Variants in CENPE observed in about 807,000 individuals in gnomAD.
CENPE encodes the protein centromere protein E.
Under a neutral mutation model 336.1 loss-of-function variants are expected in CENPE, and 145 were observed. The ratio of observed to expected loss-of-function variants is 0.43; its 90% CI spans 0.38 to 0.50. The LOEUF is 0.50. Among genes scored for constraint, CENPE ranks in the 20% least tolerant of loss-of-function variants. The probability of loss-of-function intolerance (pLI) is 0.00; values close to 1 mark genes in which losing one functional copy is unlikely to be tolerated. For missense variants in CENPE, 2,719 were observed against 3,023.3 expected (o/e 0.90, Z 2.36); for synonymous variants, 1,013 against 984.8 (o/e 1.03, Z -0.54).
chr4:103,136,249 A>G lies in CENPE; in HGVS notation c.6414T>C (p.Val2138=). ...AATAGGGAAGTGAGAGGTTTGCTTT[A>G]ACTCTCATTGAAAGCTCTTTTTGGA... ...IEFQKELSMR[V]KANLSLPYLQ... Residue 2138 remains valine (V), a synonymous_variant, in exon 40 of 49, where the codon GTT becomes GTC. Coordinates refer to ENST00000265148, the MANE Select transcript of CENPE (RefSeq NM_001813.3). 1 of 1,613,770 alleles carries G rather than the reference A, an allele frequency of 6.2e-7. No individual in the cohort carries two copies. The highest frequency in any genetic ancestry group is 8.5e-7 in the Non-Finnish European group (1 of 1,179,784).
intron 46 of CENPE, 72 bp downstream of exon 46, chr4:103,114,382 AT>A (rs1749890447): frequency 1.1e-6 from 1 of 883,028 alleles, no homozygotes. Flanking sequence ...ATACTACATA[AT>A]ATTAGTCTTC....
chr4:103,191,741 A>C (rs182952270), intron 8 of CENPE, among the ~76,000 whole-genome samples: 23 of 152,248 alleles, frequency 1.5e-4, no homozygotes, highest in Non-Finnish European at 2.8e-4. Context: ...ACATGTATAC[A>C]TATGTAACAA....
intron 47 of CENPE, among the ~76,000 whole-genome samples, chr4:103,110,016 G>A (rs548153579): frequency 2.6e-4 from 39 of 152,204 alleles, no homozygotes; most frequent in African/African-American, 9.4e-4. Context: ...CAAAGCCCGT[G>A]AACATGTTCC....
rs115942458 is a variant in CENPE, at chr4:103,145,210, C to A, written c.4697G>T (p.Ser1566Ile). 2 of 1,613,678 alleles carry A rather than the reference C, an allele frequency of 1.2e-6. No homozygotes were observed. The highest frequency in any genetic ancestry group is 4.5e-5 in the East Asian group (2 of 44,828). ...CAACTCGAGCATCTTACTTTCTATA[C>A]TTTGTAGTGCTGAATCCTTGGCTTT... The part of the protein sequence containing the change: ...HRKAKDSALQ[S>I]IESKMLELTN... Residue 1566 changes from serine (S) to isoleucine (I), a missense_variant, in exon 32 of 49, where the codon AGT (serine) becomes ATT (isoleucine). This residue lies in a region of CENPE where 2,437 missense variants were observed against 2,513.3 expected (regional missense o/e 0.97). Coordinates refer to ENST00000265148, the MANE Select transcript of CENPE (RefSeq NM_001813.3).
chr4:103,141,750 C>G lies in CENPE; in HGVS notation c.5463G>C (p.Lys1821Asn). Residue 1821 changes from lysine (K) to asparagine (N), a missense_variant and splice_region_variant, in exon 35 of 49, where the codon AAG becomes AAC. Transcript: ENST00000265148. ...LENSNAKLQE[K>N]IQELKANEHQ... Reference sequence around the variant, plus strand: ...TCAAACAATCCCCCCATAAAAATACCTTTTCTTGTAATTTAGCATTTGAAT... The same window carrying G: ...TCAAACAATCCCCCCATAAAAATACGTTTTCTTGTAATTTAGCATTTGAAT... The G allele has an allele frequency of 6.6e-7, 1 of 1,510,050 alleles. No individual in the cohort carries two copies. Among genetic ancestry groups the G allele is most frequent in the Non-Finnish European group, 9.1e-7 (1 of 1,104,126 alleles). 93.5% of individuals were successfully genotyped at this position (1,510,050 alleles called of 1,614,324 possible). A position where few individuals can be genotyped will look rare whatever the true frequency, so the allele number is the denominator to read the frequency against.
At chr4:103,127,766 C>T (rs1187388109) in intron 42 of CENPE, among the ~76,000 whole-genome samples, 2 of 151,796 alleles carry the variant, frequency 1.3e-5, no homozygotes, top group Non-Finnish European at 2.9e-5. Flanking sequence ...ACCACTAAAA[C>T]AAGATAGAAG....
intron 8 of CENPE, among the ~76,000 whole-genome samples, chr4:103,191,790 A>G (rs1757375855): frequency 6.6e-6 from 1 of 152,192 alleles, no homozygotes; most frequent in Non-Finnish European, 1.5e-5. Context: ...AACTTAAAGT[A>G]TAATAAAAAA....
At chr4:103,158,967 A>G in intron 22 of CENPE, 43 bp downstream of exon 22, 1 of 1,534,508 alleles carries the variant, frequency 6.5e-7, no homozygotes, top group Non-Finnish European at 8.7e-7. Flanking sequence ...CCAAAACCCC[A>G]GAAGACTAAG....
chr4:103,178,563 T>C (rs1422686871), intron 13 of CENPE, among the ~76,000 whole-genome samples: 2 of 152,184 alleles, frequency 1.3e-5, no homozygotes, highest in Non-Finnish European at 2.9e-5. Context: ...TATTCAAGAT[T>C]CCATCCATCT....
At chr4:103,177,251 T>A (rs1412772250) in intron 13 of CENPE, among the ~76,000 whole-genome samples, 2 of 152,056 alleles carry the variant, frequency 1.3e-5, no homozygotes, top group African/African-American at 4.8e-5. Flanking sequence ...CATTTTCTTT[T>A]TTTCCTACTT....
At chr4:103,176,805 C>A in intron 14 of CENPE, 94 bp downstream of exon 14, 1 of 889,594 alleles carries the variant, frequency 1.1e-6, no homozygotes, top group Non-Finnish European at 1.7e-6. Flanking sequence ...AGTATTTAAA[C>A]ATGTTTATCA....
At chr4:103,150,516 T>C (rs1033095173) in intron 26 of CENPE, among the ~76,000 whole-genome samples, 1 of 151,618 alleles carries the variant, frequency 6.6e-6, no homozygotes. Context: ...CCAGGGGGGG[T>C]TGAGGCTACA....
At chr4:103,131,897 G>A (rs1425952996) in intron 42 of CENPE, among the ~76,000 whole-genome samples, 1 of 152,140 alleles carries the variant, frequency 6.6e-6, no homozygotes, top group Non-Finnish European at 1.5e-5. Context: ...TGGAAAAGGG[G>A]CTACTATGGA....
chr4:103,140,795 A>G lies in CENPE; in HGVS notation c.5754+19T>C. ...AATATGTGAATATAATGGTAGGGTA[A>G]AGAGAGAACACAACTCACTCTAGCT... On this transcript the variant is annotated intron_variant, in intron 36 of 48. Transcript: ENST00000265148. 6.4e-7 allele frequency: 1 copy of G among 1,557,622 alleles called. No individual in the cohort carries two copies.
chr4:103,112,046 G>A (rs1018908743), intron 46 of CENPE, among the ~76,000 whole-genome samples: 1 of 151,402 alleles, frequency 6.6e-6, no homozygotes, highest in African/African-American at 2.4e-5. Flanking sequence ...CTTATTACAT[G>A]AGCTCTAAAA....
intron 27 of CENPE, 45 bp from the exon 28 acceptor site, chr4:103,149,044 T>G (rs757196495): frequency 1.9e-6 from 3 of 1,596,542 alleles, no homozygotes; most frequent in Non-Finnish European, 2.6e-6. Context: ...TCTTCCAACA[T>G]TGCTCCCCTC....
intron 11 of CENPE, 183 bp from the exon 12 acceptor site, chr4:103,181,639 G>T (rs1756335452): frequency 4.7e-6 from 2 of 422,282 alleles, no homozygotes; most frequent in African/African-American, 4.2e-5. Flanking sequence ...CTTATCCTGG[G>T]TGATAGTCTT....
chr4:103,115,789 G>A (rs1479341555), intron 45 of CENPE, among the ~76,000 whole-genome samples: 5 of 148,814 alleles, frequency 3.4e-5, no homozygotes, highest in Admixed American at 3.4e-4. Flanking sequence ...GGAGTGCAGT[G>A]GTGCGATCTC....
rs1319403775 is a variant in CENPE, at chr4:103,140,300, T to C, written c.5869A>G (p.Ile1957Val). The C allele has an allele frequency of 5.0e-6, 8 of 1,604,884 alleles. No individual in the cohort carries two copies. Among genetic ancestry groups the C allele is most frequent in the Admixed American group, 1.7e-5 (1 of 59,234 alleles). Residue 1957 changes from isoleucine to valine, a missense_variant, in exon 37 of 49, where the codon ATT (isoleucine) becomes GTT (valine). Around this residue, in one of 5 missense-constraint regions of CENPE, gnomAD observed 2,437 missense variants for 2,513.3 expected, o/e 0.97. Transcript: ENST00000265148. ...TTTGATTTATCTAAATCCTTTTGAA[T>C]GTCTGAAATTTGAATTGTCTTTTCT... ...ISEKTIQISDIQKDLDKSKDE... is the reference protein window; with the variant it reads ...ISEKTIQISDVQKDLDKSKDE...
Sources: gnomAD v4.1 joint callset for allele counts (sites outside exome capture counted in the v4.1 genomes callset) on GRCh38, gnomAD v4.1.1 for gene constraint, gnomAD v4.1.1 regional missense constraint, MANE v1.5 for transcripts, NCBI Gene and HGNC (gene_info 2026-07-23, HGNC 2026-07-21) for gene names.